The following EPHA4 variants were observed in gnomAD, a reference collection of about 807,000 sequenced individuals.
The protein encoded by EPHA4 is EPH receptor A4, also known as ephrin type-A receptor 4.
A neutral mutation model predicts 108.3 loss-of-function variants in EPHA4; 19 were observed. The ratio of observed to expected loss-of-function variants is 0.18; its 90% CI spans 0.12 to 0.26. EPHA4 has a LOEUF of 0.26. Among genes scored for constraint, EPHA4 ranks in the 10% least tolerant of loss-of-function variants. The probability of loss-of-function intolerance (pLI) is 1.00; values close to 1 mark genes in which losing one functional copy is unlikely to be tolerated. For missense variants in EPHA4, 917 were observed against 1,254.0 expected (o/e 0.73, Z 4.06); for synonymous variants, 449 against 455.5 (o/e 0.99, Z 0.18).
At chr2:221,437,250 C>A (rs1254641739) in intron 11 of EPHA4, 128 bp from the exon 12 acceptor site, 1 of 637,970 alleles carries the variant, frequency 1.6e-6, no homozygotes. Flanking sequence ...TAAAACAAGC[C>A]AAGCTTATGC....
intron 3 of EPHA4, among the ~76,000 whole-genome samples, chr2:221,511,494 C>T (rs1292138420): frequency 2.6e-5 from 4 of 152,184 alleles, no homozygotes; most frequent in Non-Finnish European, 4.4e-5. Flanking sequence ...ACCTCACTTC[C>T]GATTTCTGTA....
intron 9 of EPHA4, among the ~76,000 whole-genome samples, chr2:221,444,589 C>A (rs901494460): frequency 6.6e-6 from 1 of 151,882 alleles, no homozygotes; most frequent in Non-Finnish European, 1.5e-5. Context: ...ACATATATTC[C>A]ATGTAAAAAT....
intron 6 of EPHA4, among the ~76,000 whole-genome samples, chr2:221,457,628 A>G: frequency 6.6e-6 from 1 of 152,188 alleles, no homozygotes; most frequent in Middle Eastern, 3.2e-3. Flanking sequence ...AAATTTCATA[A>G]TCATACTTAA....
intron 4 of EPHA4, among the ~76,000 whole-genome samples, chr2:221,497,577 A>G (rs1233020452): frequency 6.6e-6 from 1 of 151,696 alleles, no homozygotes; most frequent in East Asian, 2.0e-4. Context: ...TGTCTCTACT[A>G]AAAACAAAAA....
intron 8 of EPHA4, among the ~76,000 whole-genome samples, chr2:221,451,478 G>A (rs1690783166): frequency 6.6e-6 from 1 of 152,088 alleles, no homozygotes; most frequent in African/African-American, 2.4e-5. Context: ...TTATGTTGTG[G>A]AGATCACAAA....
Position 221,438,617 on chromosome 2 carries a change from G to A in EPHA4, c.2075-1495C>T, listed in dbSNP as rs1010147514. 1.1e-4 allele frequency among the ~76,000 whole-genome samples: 17 copies of A among 151,982 alleles called. No individual in the cohort carries two copies. In the South Asian group the frequency reaches 1.5e-3, roughly 13 times the overall value. ...AGCCTAGCCAACATGGTGAAACCTC[G>A]TGTCTACTAAAAATACAAAAATTTG... is the stretch of plus-strand genomic sequence containing the variant. On this transcript the variant is annotated intron_variant, in intron 11 of 17. Coordinates refer to ENST00000281821, the MANE Select transcript of EPHA4 (RefSeq NM_004438.5).
chr2:221,455,393 G>T (rs1690913499), intron 8 of EPHA4, among the ~76,000 whole-genome samples, 154 bp downstream of exon 8: 1 of 152,184 alleles, frequency 6.6e-6, no homozygotes, highest in East Asian at 1.9e-4. Context: ...TTTGGTAGGG[G>T]TGTGGGAAGA....
In EPHA4 at chr2:221,563,993, A is replaced by G; in HGVS notation, c.561T>C (p.Asp187=). ...SKKGFYLAFQ[D]VGACIALVSV... is the part of the protein sequence containing the mutation. Reference sequence around the variant, plus strand: ...ATACCAGGGCGATGCAGGCCCCCACATCCTGAAAAGCCAGGTAAAACCCCT... The same window carrying G: ...ATACCAGGGCGATGCAGGCCCCCACGTCCTGAAAAGCCAGGTAAAACCCCT... The change falls in exon 3 of 18, where the codon GAT becomes GAC. Residue 187 remains aspartate, a synonymous_variant. Coordinates refer to ENST00000281821, the MANE Select transcript of EPHA4 (RefSeq NM_004438.5). The G allele has an allele frequency of 1.9e-6, 3 of 1,613,710 alleles. No individual in the cohort carries two copies. The highest frequency in any genetic ancestry group is 2.2e-5 in the South Asian group (2 of 91,062).
intron 3 of EPHA4, among the ~76,000 whole-genome samples, chr2:221,560,826 C>A (rs1376715017): frequency 6.6e-6 from 1 of 152,190 alleles, no homozygotes; most frequent in Non-Finnish European, 1.5e-5. Context: ...ATACATCTTT[C>A]CTCGTCTCTA....
chr2:221,474,320 C>A (rs147353778), intron 5 of EPHA4, among the ~76,000 whole-genome samples: 1 of 150,374 alleles, frequency 6.7e-6, no homozygotes, highest in South Asian at 2.1e-4. Context: ...TTTTTAATTA[C>A]GATCATAATT....
chr2:221,533,068 T>C (rs1248456242), intron 3 of EPHA4: 1 of 152,058 alleles, frequency 6.6e-6, no homozygotes, highest in Non-Finnish European at 1.5e-5. Context: ...AACAGGGAGA[T>C]GATTAAAAGA....
At chr2:221,527,055 C>A (rs754040738) in intron 3 of EPHA4, among the ~76,000 whole-genome samples, 1 of 150,880 alleles carries the variant, frequency 6.6e-6, no homozygotes, top group Non-Finnish European at 1.5e-5. Flanking sequence ...TGAACCCGGG[C>A]GGAGCTTGCA....
At chr2:221,424,538 T>A (rs1689842835) in intron 17 of EPHA4, among the ~76,000 whole-genome samples, 1 of 151,752 alleles carries the variant, frequency 6.6e-6, no homozygotes, top group Non-Finnish European at 1.5e-5. Context: ...CCTTTGTTTC[T>A]AGGAATGAAC....
intron 12 of EPHA4, 48 bp downstream of exon 12, chr2:221,437,013 T>A: frequency 7.0e-7 from 1 of 1,421,562 alleles, no homozygotes; most frequent in Non-Finnish European, 9.9e-7. Flanking sequence ...CTGTTAGGAG[T>A]TTTCTAAATA....
chr2:221,479,420 CAG>C (rs1367274607), intron 5 of EPHA4, among the ~76,000 whole-genome samples: 1 of 152,164 alleles, frequency 6.6e-6, no homozygotes, highest in Non-Finnish European at 1.5e-5. Context: ...CCTGTGAAAA[CAG>C]AGCAAAGATG....
chr2:221,551,898 T>C (rs1214438599), intron 3 of EPHA4, among the ~76,000 whole-genome samples: 1 of 151,942 alleles, frequency 6.6e-6, no homozygotes, highest in African/African-American at 2.4e-5. Context: ...GTGCTAATTT[T>C]AAACTCTAGG....
intron 5 of EPHA4, among the ~76,000 whole-genome samples, chr2:221,468,551 T>C (rs1691387007): frequency 6.6e-6 from 1 of 152,208 alleles, no homozygotes; most frequent in African/African-American, 2.4e-5. Flanking sequence ...GACAATGCTG[T>C]AACATTTAGC....
At chr2:221,424,840 T>C (rs947167546) in intron 17 of EPHA4, among the ~76,000 whole-genome samples, 9 of 152,186 alleles carry the variant, frequency 5.9e-5, no homozygotes, top group Non-Finnish European at 1.3e-4. Flanking sequence ...AAGCCTCCTG[T>C]GCTTGCTGCC....
At chr2:221,561,658 C>T (rs923586705) in intron 3 of EPHA4, among the ~76,000 whole-genome samples, 1 of 152,144 alleles carries the variant, frequency 6.6e-6, no homozygotes, top group Admixed American at 6.5e-5. Context: ...TAAAGCAAAC[C>T]AGAAAAATGT....
Sources: allele counts gnomAD v4.1 joint callset (sites outside exome capture counted in the v4.1 genomes callset), GRCh38; gene constraint gnomAD v4.1.1; transcripts MANE v1.5; gene names NCBI Gene and HGNC (gene_info 2026-07-23, HGNC 2026-07-21).